GNA12: variants seen among roughly 807,000 people sequenced by gnomAD.
The protein encoded by GNA12 is guanine nucleotide-binding protein subunit alpha-12.
GNA12 carries 9 observed loss-of-function variants against 26.0 expected under a neutral mutation model. That is an observed-to-expected ratio of 0.35 (90% CI 0.21 to 0.60). The LOEUF (loss-of-function observed/expected upper bound fraction) is 0.60, where lower values mean the gene tolerates loss of function less well. Ranked by LOEUF, GNA12 falls within the 20% of genes least tolerant of loss-of-function variation. GNA12 has a pLI of 0.78. For missense variants in GNA12, 405 were observed against 525.8 expected (o/e 0.77, Z 2.25); for synonymous variants, 264 against 219.6 (o/e 1.20, Z -1.79).
At chr7:2,757,942 A>C (rs1358354090) in intron 2 of GNA12, among the ~76,000 whole-genome samples, 1 of 152,162 alleles carries the variant, frequency 6.6e-6, no homozygotes, top group African/African-American at 2.4e-5. Flanking sequence ...GAATAGCAAT[A>C]ATAAGGAATG....
At chr7:2,773,855 G>A (rs1307040034) in intron 2 of GNA12, among the ~76,000 whole-genome samples, 2 of 152,324 alleles carry the variant, frequency 1.3e-5, no homozygotes, top group East Asian at 3.9e-4. Context: ...CGCTGAGCTG[G>A]CGTCTACCCG....
chr7:2,743,788 A>G (rs1395569812), intron 2 of GNA12, among the ~76,000 whole-genome samples: 3 of 152,140 alleles, frequency 2.0e-5, no homozygotes, highest in Non-Finnish European at 4.4e-5. Context: ...GAAAGGGGTG[A>G]CACATAGCAC....
At chr7:2,744,555 C>G (rs1233482778) in intron 2 of GNA12, among the ~76,000 whole-genome samples, 1 of 152,002 alleles carries the variant, frequency 6.6e-6, no homozygotes, top group Non-Finnish European at 1.5e-5. Context: ...TAGAAAAGAC[C>G]ACAAAGATGG....
intron 2 of GNA12, among the ~76,000 whole-genome samples, chr7:2,754,093 G>A (rs917828394): frequency 6.6e-6 from 1 of 151,784 alleles, no homozygotes; most frequent in African/African-American, 2.4e-5. Flanking sequence ...CACCAGTGAT[G>A]AATGAGACCC....
chr7:2,814,302 T>C (rs745428281), intron 1 of GNA12: 19 of 1,471,504 alleles, frequency 1.3e-5, no homozygotes, highest in Non-Finnish European at 1.7e-5. Context: ...TTGAACGGAG[T>C]GAGACTCACC....
intron 2 of GNA12, among the ~76,000 whole-genome samples, chr7:2,738,370 T>C (rs1326995260): frequency 6.6e-6 from 1 of 151,670 alleles, no homozygotes; most frequent in South Asian, 2.1e-4. Context: ...AAACGTCTAG[T>C]AGGAGAAGCT....
chr7:2,829,066 C>G (rs1375021164), intron 1 of GNA12, among the ~76,000 whole-genome samples: 7 of 140,482 alleles, frequency 5.0e-5, no homozygotes, highest in Non-Finnish European at 9.4e-5. Context: ...GAGCCAGACC[C>G]TGTCTCAGGA....
chr7:2,809,442 T>C (rs187692476), intron 1 of GNA12, among the ~76,000 whole-genome samples: 1 of 152,310 alleles, frequency 6.6e-6, no homozygotes, highest in Admixed American at 6.5e-5. Flanking sequence ...TCAATGTATT[T>C]TTCATTGGAA....
chr7:2,733,108 T>C (rs938604546), intron 3 of GNA12, among the ~76,000 whole-genome samples: 4 of 152,238 alleles, frequency 2.6e-5, no homozygotes, highest in Non-Finnish European at 5.9e-5. Flanking sequence ...GAAACAAGAC[T>C]GGTAATCAGT....
At chr7:2,776,104 C>T (rs1043010232) in intron 2 of GNA12, among the ~76,000 whole-genome samples, 3 of 152,198 alleles carry the variant, frequency 2.0e-5, no homozygotes, top group Non-Finnish European at 4.4e-5. Flanking sequence ...TTAGACCGCT[C>T]ATTGCAGCCT....
chr7:2,819,138 G>A (rs547231784), intron 1 of GNA12, among the ~76,000 whole-genome samples: 9 of 152,234 alleles, frequency 5.9e-5, no homozygotes, highest in East Asian at 1.9e-4. Flanking sequence ...TGAGCCGCTC[G>A]CTGCTGGTTC....
chr7:2,772,484 C>T (rs1791973452), intron 2 of GNA12, among the ~76,000 whole-genome samples: 1 of 151,536 alleles, frequency 6.6e-6, no homozygotes, highest in African/African-American at 2.4e-5. Context: ...GGCGTGAACC[C>T]AGGAGGCGGA....
intron 2 of GNA12, among the ~76,000 whole-genome samples, chr7:2,784,255 C>G (rs1341710649): frequency 6.6e-6 from 1 of 152,168 alleles, no homozygotes; most frequent in East Asian, 1.9e-4. Context: ...GTAGTTGGAA[C>G]TATAGTCACA....
At chr7:2,771,415 C>G (rs1257108152) in intron 2 of GNA12, among the ~76,000 whole-genome samples, 1 of 152,214 alleles carries the variant, frequency 6.6e-6, no homozygotes, top group Non-Finnish European at 1.5e-5. Flanking sequence ...TGAGCAAACA[C>G]CCAAACAACT....
chr7:2,792,530 C>A (rs1395413966), intron 2 of GNA12, among the ~76,000 whole-genome samples: 1 of 152,214 alleles, frequency 6.6e-6, no homozygotes, highest in East Asian at 1.9e-4. Flanking sequence ...ACTTCTGCTT[C>A]CTTCTTTGGA....
chr7:2,843,481 C>CA (rs35484253), intron 1 of GNA12, among the ~76,000 whole-genome samples: 2,301 of 151,174 alleles, frequency 0.015, 61 homozygotes, highest in African/African-American at 0.052. Context: ...CCCATCTCTA[C>CA]AAAAAAAAAC....
intron 1 of GNA12, among the ~76,000 whole-genome samples, chr7:2,830,572 T>G (rs1410633369): frequency 6.6e-6 from 1 of 151,876 alleles, no homozygotes; most frequent in African/African-American, 2.4e-5. Context: ...TTCCCCAAAA[T>G]CCACCAGTCA....
intron 2 of GNA12, among the ~76,000 whole-genome samples, chr7:2,754,388 C>T (rs987450115): frequency 2.0e-5 from 3 of 152,104 alleles, no homozygotes; most frequent in East Asian, 3.9e-4. Context: ...AGTCCTTTGT[C>T]GGATATGTAG....
At chr7:2,766,490 A>G (rs1034024395) in intron 2 of GNA12, among the ~76,000 whole-genome samples, 1 of 149,238 alleles carries the variant, frequency 6.7e-6, no homozygotes, top group Non-Finnish European at 1.5e-5. Context: ...GGTTCAAGCG[A>G]TTTTCCTGCC....
Sources: gnomAD v4.1 joint callset for allele counts (sites outside exome capture counted in the v4.1 genomes callset) on GRCh38, gnomAD v4.1.1 for gene constraint, MANE v1.5 for transcripts, NCBI Gene and HGNC (gene_info 2026-07-23, HGNC 2026-07-21) for gene names.